The following VTI1A variants were observed in gnomAD, a reference collection of about 807,000 sequenced individuals.
VTI1A encodes vesicle transport through interaction with t-SNAREs 1A.
Under a neutral mutation model 34.9 loss-of-function variants are expected in VTI1A, and 22 were observed. The observed-to-expected ratio is 0.63, with a 90% CI of 0.45 to 0.90. The LOEUF (loss-of-function observed/expected upper bound fraction) is 0.90, where lower values mean the gene tolerates loss of function less well. VTI1A is among the 40% of genes least tolerant of loss of function. The probability of loss-of-function intolerance (pLI) is 0.00; values close to 1 mark genes in which losing one functional copy is unlikely to be tolerated. For missense variants in VTI1A, 268 were observed against 275.6 expected, an observed-to-expected ratio of 0.97 and a Z score of 0.20; for synonymous variants, 87 against 97.3, an observed-to-expected ratio of 0.89 and a Z score of 0.62.
chr10:112,461,766 G>A (rs1847736240), intron 2 of VTI1A, among the ~76,000 whole-genome samples: 1 of 152,158 alleles, frequency 6.6e-6, no homozygotes, highest in Non-Finnish European at 1.5e-5. Context: ...CACCCAGACT[G>A]GAGTACAGTG....
intron 5 of VTI1A, among the ~76,000 whole-genome samples, chr10:112,547,018 C>T (rs902763800): frequency 2.6e-5 from 4 of 152,170 alleles, no homozygotes; most frequent in South Asian, 2.1e-4. Flanking sequence ...CAGTGGCTTA[C>T]GCTTATAATC....
chr10:112,792,963 C>T (rs528629942), intron 7 of VTI1A, among the ~76,000 whole-genome samples: 1 of 152,318 alleles, frequency 6.6e-6, no homozygotes, highest in South Asian at 2.1e-4. Context: ...TCATCAGTCT[C>T]ACTGACTCAA....
At chr10:112,630,597 A>G (rs1046391875) in intron 5 of VTI1A, among the ~76,000 whole-genome samples, 11 of 152,218 alleles carry the variant, frequency 7.2e-5, no homozygotes, top group Non-Finnish European at 1.0e-4. Context: ...TAAGTGGTGG[A>G]GTCAGGATTT....
chr10:112,454,526 C>T (rs1365107891), intron 1 of VTI1A, among the ~76,000 whole-genome samples: 1 of 152,114 alleles, frequency 6.6e-6, no homozygotes, highest in Non-Finnish European at 1.5e-5. Flanking sequence ...ACCTTGAACC[C>T]AGGAGTTTGA....
At chr10:112,633,670 T>C (rs904583462) in intron 5 of VTI1A, among the ~76,000 whole-genome samples, 4 of 152,200 alleles carry the variant, frequency 2.6e-5, no homozygotes, top group African/African-American at 9.6e-5. Context: ...TAGCATTACA[T>C]AAATGTGTCA....
chr10:112,777,632 C>T (rs145060834), intron 7 of VTI1A, among the ~76,000 whole-genome samples: 4 of 152,316 alleles, frequency 2.6e-5, no homozygotes, highest in Non-Finnish European at 2.9e-5. Flanking sequence ...CATTTTAATT[C>T]CATGCCTGAC....
chr10:112,644,236 C>T (rs952929007), intron 5 of VTI1A, among the ~76,000 whole-genome samples: 6 of 152,042 alleles, frequency 3.9e-5, no homozygotes, highest in Non-Finnish European at 7.4e-5. Flanking sequence ...ATAGTTTCCC[C>T]ACACAGAGAA....
At chr10:112,531,478 C>CAAAAAAAA (rs1407152404) in intron 4 of VTI1A, among the ~76,000 whole-genome samples, 2 of 38,158 alleles carry the variant, frequency 5.2e-5, no homozygotes, top group African/African-American at 1.0e-4. Flanking sequence ...CCGGCCTAAG[C>CAAAAAAAA]AAAGAAAAAA....
At chr10:112,771,603 G>T (rs1851817031) in intron 7 of VTI1A, among the ~76,000 whole-genome samples, 1 of 152,040 alleles carries the variant, frequency 6.6e-6, no homozygotes, top group African/African-American at 2.4e-5. Context: ...AATTCAATGG[G>T]GTTTTTTTAG....
chr10:112,549,405 A>G (rs1052939026), intron 5 of VTI1A, among the ~76,000 whole-genome samples: 5 of 152,228 alleles, frequency 3.3e-5, no homozygotes, highest in Admixed American at 2.6e-4. Context: ...GTCCATAAAC[A>G]CTGATTCAGA....
At chr10:112,819,090 A>C (rs1330580650), downstream of VTI1A, among the ~76,000 whole-genome samples, 9 of 152,232 alleles carry the variant, frequency 5.9e-5, no homozygotes, top group Non-Finnish European at 1.0e-4. Context: ...TGCAGAAGAG[A>C]AAAATAATTG....
At chr10:112,797,064 C>T (rs777518776) in intron 7 of VTI1A, among the ~76,000 whole-genome samples, 5 of 152,102 alleles carry the variant, frequency 3.3e-5, no homozygotes, top group Non-Finnish European at 5.9e-5. Flanking sequence ...ACTAGCAAGG[C>T]GGAGGTGTGC....
At chr10:112,765,659 G>A (rs1031070774) in intron 7 of VTI1A, among the ~76,000 whole-genome samples, 2 of 152,224 alleles carry the variant, frequency 1.3e-5, no homozygotes, top group Admixed American at 1.3e-4. Flanking sequence ...GGGGGAAACA[G>A]ACATTAATCA....
intron 5 of VTI1A, among the ~76,000 whole-genome samples, chr10:112,626,092 G>T (rs1383086165): frequency 2.0e-5 from 3 of 151,800 alleles, no homozygotes; most frequent in African/African-American, 7.3e-5. Context: ...TAATGATTTC[G>T]CAGTAGTTAT....
At chr10:112,588,413 C>T (rs2134422820) in intron 5 of VTI1A, among the ~76,000 whole-genome samples, 1 of 152,236 alleles carries the variant, frequency 6.6e-6, no homozygotes, top group South Asian at 2.1e-4. Flanking sequence ...TATCACTTCA[C>T]AGTAGTATAT....
intron 5 of VTI1A, among the ~76,000 whole-genome samples, chr10:112,635,930 A>G (rs1209797563): frequency 6.6e-6 from 1 of 152,240 alleles, no homozygotes; most frequent in African/African-American, 2.4e-5. Flanking sequence ...AAAACTTGGA[A>G]TAGTTTTTAA....
the VTI1A span, among the ~76,000 whole-genome samples, chr10:112,840,222 C>T: frequency 6.6e-6 from 1 of 152,136 alleles, no homozygotes; most frequent in East Asian, 1.9e-4. Flanking sequence ...CATAAATGGC[C>T]AGGACTTGAT....
rs1850704774 is a variant in VTI1A at position 112,537,842 on chromosome 10, GA to G, written c.343-403del. Among the ~76,000 whole-genome samples the G allele has an allele frequency of 2.0e-5, 3 of 152,156 alleles. No individual in the cohort carries two copies. In the South Asian group the frequency reaches 6.2e-4, roughly 32 times the overall value. On this transcript the variant is annotated intron_variant, in intron 4 of 7. Coordinates refer to ENST00000393077, the MANE Select transcript of VTI1A (RefSeq NM_145206.4). The stretch of plus-strand genomic sequence containing the variant: ...AAATTTCTATCTGCAAGAATCAAAG[GA>G]GCAAATGGATCTTTGAAATGATTGC...
At chr10:112,595,499 A>G (rs1254296173) in intron 5 of VTI1A, among the ~76,000 whole-genome samples, 1 of 152,222 alleles carries the variant, frequency 6.6e-6, no homozygotes, top group East Asian at 1.9e-4. Context: ...AAAAGTGGGC[A>G]AAGGACATGA....
Sources: allele counts gnomAD v4.1 joint callset (sites outside exome capture counted in the v4.1 genomes callset), GRCh38; gene constraint gnomAD v4.1.1; transcripts MANE v1.5; gene names NCBI Gene and HGNC (gene_info 2026-07-23, HGNC 2026-07-21).